Variants in NPM2 observed in about 807,000 individuals in gnomAD.
The protein encoded by NPM2 is nucleoplasmin-2.
NPM2 carries 25 observed loss-of-function variants against 32.0 expected under a neutral mutation model. That is an observed-to-expected ratio of 0.78 (90% CI 0.57 to 1.09). The LOEUF (loss-of-function observed/expected upper bound fraction) is 1.09. Among genes scored for constraint, NPM2 ranks in the 50% least tolerant of loss-of-function variants. NPM2 has a pLI of 0.00. For missense variants in NPM2, 282 were observed against 259.9 expected (o/e 1.08, Z -0.58); for synonymous variants, 111 against 94.2 (o/e 1.18, Z -1.04).
At chr8:22,031,349 C>T (rs1466396898) in intron 5 of NPM2, among the ~76,000 whole-genome samples, 1 of 152,192 alleles carries the variant, frequency 6.6e-6, no homozygotes, top group Non-Finnish European at 1.5e-5. Context: ...AAGGGTATAG[C>T]CCTTGAGGGT....
In NPM2 at chr8:22,033,214, G is replaced by A. The variant is rs773383353; in HGVS notation, c.355G>A (p.Glu119Lys). 5 of 1,613,906 alleles carry A rather than the reference G, an allele frequency of 3.1e-6. No homozygotes were observed. The highest frequency in any genetic ancestry group is 1.1e-5 in the South Asian group (1 of 91,060). ...AGGACCCGTGTTCCTCAGTGGCCAG[G>A]AACGTTATGGTAAGTCAGAGCCTGC... ...GSGPVFLSGQ[E>K]RYEASDLTWE... The change falls in exon 6 of 10, where the codon GAA becomes AAA. Residue 119 changes from glutamate (E) to lysine (K), a missense_variant. By Grantham distance (56) the Glu-to-Lys change is moderately conservative (BLOSUM62 1). Coordinates refer to ENST00000518119, the MANE Select transcript of NPM2 (RefSeq NM_001286680.2).
rs748152197 is a variant in NPM2 at position 22,025,263 on chromosome 8, C to T, written c.15C>T (p.Ser5=). MNLS[S]ASSTEEKAVT... is the part of the protein sequence containing the mutation. ...TGCCCGGAGCCATGAATCTCAGTAG[C>T]GCCAGTAGCACGGAGGAAAAGGCAG... is the stretch of plus-strand genomic sequence containing the variant. Residue 5 remains serine (S), a synonymous_variant, in exon 3 of 10, where the codon AGC becomes AGT. Transcript: ENST00000518119. 1.2e-6 allele frequency: 2 copies of T among 1,611,686 alleles called. No homozygotes were observed. The highest frequency in any genetic ancestry group is 1.7e-6 in the Non-Finnish European group (2 of 1,179,294).
At position 22,025,407 on chromosome 8, in the gene NPM2, C is replaced by T. The variant is rs60185525; in HGVS notation, c.59-29C>T. 3.7e-5 allele frequency: 59 copies of T among 1,608,562 alleles called. 1 individual carries two copies. In the East Asian group the frequency reaches 1.2e-3, roughly 32 times the overall value. On this transcript the variant is annotated intron_variant, in intron 3 of 9. Transcript: ENST00000518119. ...CCCTCCTTTGGGAACGAATGGAGGG[C>T]CCCACTTCCCTCCCTTTCTCCTCCG...
Position 22,025,708 on chromosome 8 carries a change from A to G in NPM2, c.206A>G (p.Asn69Ser). ...CGCGTGGAGATCCTGCCCCCAGCAAACCAGGAGGACAAGAAGATGCAGCCG... is the reference window on the plus strand; with the variant it reads ...CGCGTGGAGATCCTGCCCCCAGCAAGCCAGGAGGACAAGAAGATGCAGCCG... Reference protein sequence around the residue: ...MHRVEILPPANQEDKKMQPVT... With the variant: ...MHRVEILPPASQEDKKMQPVT... The change falls in exon 5 of 10, where the codon AAC (asparagine) becomes AGC (serine). Residue 69 changes from asparagine (N) to serine (S), a missense_variant. Physicochemically the swap from Asn to Ser is conservative, Grantham distance 46. Coordinates refer to ENST00000518119, the MANE Select transcript of NPM2 (RefSeq NM_001286680.2). 6.2e-7 allele frequency: 1 copy of G among 1,614,032 alleles called. No homozygotes were observed. The highest frequency in any genetic ancestry group is 1.7e-5 in the Admixed American group (1 of 60,014).
chr8:22,025,406 G>T (rs1222061464), intron 3 of NPM2, 30 bp from the exon 4 acceptor site: 2 of 1,610,192 alleles, frequency 1.2e-6, no homozygotes, highest in East Asian at 2.2e-5. Context: ...CGAATGGAGG[G>T]CCCCACTTCC....
intron 7 of NPM2, 92 bp downstream of exon 7, chr8:22,034,367 C>T: frequency 7.1e-7 from 1 of 1,416,886 alleles, no homozygotes; most frequent in Non-Finnish European, 9.7e-7. Context: ...GGCCAGCCTC[C>T]CAGAATGAGT....
In NPM2 at chr8:22,036,825, C is replaced by A; in HGVS notation, c.*143C>A. The A allele has an allele frequency of 1.3e-6, 1 of 782,048 alleles. No individual in the cohort carries two copies. 48.4% of individuals were successfully genotyped at this position (782,048 alleles called of 1,614,324 possible). A position where few individuals can be genotyped will look rare whatever the true frequency, so the allele number is the denominator to read the frequency against. ...GGGCAACATGAGAGCCCCTCACCCC[C>A]AACTCTCCACTTTCAGGAGGCCCCC... On this transcript the variant is annotated 3_prime_UTR_variant, in exon 10 of 10. Transcript: ENST00000518119.
chr8:22,027,575 T>G (rs1242923547), intron 5 of NPM2, among the ~76,000 whole-genome samples: 4 of 151,996 alleles, frequency 2.6e-5, no homozygotes, highest in African/African-American at 9.7e-5. Context: ...AGAAAACAGC[T>G]GTTTTTCCAG....
Position 22,033,227 on chromosome 8 carries a change from A to G in NPM2, c.364+4A>G. The G allele has an allele frequency of 6.2e-7, 1 of 1,612,938 alleles. No homozygotes were observed. Among genetic ancestry groups the G allele is most frequent in the Non-Finnish European group, 8.5e-7 (1 of 1,178,960 alleles). On this transcript the variant is annotated splice_donor_region_variant and intron_variant, in intron 6 of 9. Coordinates refer to ENST00000518119, the MANE Select transcript of NPM2 (RefSeq NM_001286680.2). ...CTCAGTGGCCAGGAACGTTATGGTA[A>G]GTCAGAGCCTGCGATCAGGAAGGTC... is the stretch of plus-strand genomic sequence containing the variant.
At chr8:22,029,853 T>C (rs1053379922) in intron 5 of NPM2, among the ~76,000 whole-genome samples, 3 of 152,234 alleles carry the variant, frequency 2.0e-5, no homozygotes, top group Admixed American at 1.3e-4. Context: ...TTTTTGGAGA[T>C]GTCTTTCCTC....
rs772869119 is a variant in NPM2, at chr8:22,025,695, C to T, written c.193C>T (p.Leu65=). The T allele has an allele frequency of 1.2e-6, 2 of 1,614,082 alleles. No homozygotes were observed. The highest frequency in any genetic ancestry group is 1.7e-6 in the Non-Finnish European group (2 of 1,179,986). Residue 65 remains leucine (L), a synonymous_variant, in exon 5 of 10, where the codon CTG becomes TTG. Transcript: ENST00000518119. The part of the protein sequence containing the change: ...AKEEMHRVEI[L]PPANQEDKKM... ...AGAGGAGATGCATCGCGTGGAGATC[C>T]TGCCCCCAGCAAACCAGGAGGACAA...
At chr8:22,032,165 G>A (rs118026284) in intron 5 of NPM2, among the ~76,000 whole-genome samples, 30 of 152,348 alleles carry the variant, frequency 2.0e-4, no homozygotes, top group South Asian at 4.1e-4. Flanking sequence ...TGCCTGACAC[G>A]TGGCAGAAGC....
At position 22,025,817 on chromosome 8, in the gene NPM2, C is replaced by T. The variant is rs758893655; in HGVS notation, c.270+45C>T. 4.3e-6 allele frequency: 7 copies of T among 1,612,210 alleles called. No homozygotes were observed. The Admixed American group carries it at 1.0e-4, about 23-fold the overall frequency. ...CTGGAAGACTGCTGTCAGCCTCACCCTCACCCTTGGGTGGGGATGGACACA... is the reference window on the plus strand; with the variant it reads ...CTGGAAGACTGCTGTCAGCCTCACCTTCACCCTTGGGTGGGGATGGACACA... On this transcript the variant is annotated intron_variant, in intron 5 of 9. Transcript: ENST00000518119.
chr8:22,029,709 A>AT (rs1800371216), intron 5 of NPM2, among the ~76,000 whole-genome samples: 3 of 152,114 alleles, frequency 2.0e-5, no homozygotes, highest in African/African-American at 7.2e-5. Context: ...AAATATCATG[A>AT]TTTTGCCCTC....
intron 9 of NPM2, 27 bp from the exon 10 acceptor site, chr8:22,036,611 C>A: frequency 6.4e-7 from 1 of 1,552,774 alleles, no homozygotes; most frequent in East Asian, 2.4e-5. Flanking sequence ...GGGAACGGGA[C>A]CCTGGAGCCC....
intron 5 of NPM2, among the ~76,000 whole-genome samples, chr8:22,029,567 T>C (rs189656912): frequency 2.0e-5 from 3 of 152,380 alleles, no homozygotes; most frequent in African/African-American, 7.2e-5. Flanking sequence ...GTAGGTTTAC[T>C]TTGTTTACCA....
intron 8 of NPM2, 49 bp downstream of exon 8, chr8:22,034,593 A>G (rs1019846940): frequency 6.9e-7 from 1 of 1,458,864 alleles, no homozygotes; most frequent in Non-Finnish European, 9.6e-7. Context: ...GCTGAGATAT[A>G]CAGTGTTAGA....
At chr8:22,033,035 G>A in intron 5 of NPM2, 95 bp from the exon 6 acceptor site, 1 of 882,148 alleles carries the variant, frequency 1.1e-6, no homozygotes, top group South Asian at 1.3e-5. Flanking sequence ...GTAGGGTTTG[G>A]GGAGGGAAAT....
chr8:22,036,564 C>T (rs1263924945), intron 9 of NPM2, 38 bp downstream of exon 9: 11 of 1,575,440 alleles, frequency 7.0e-6, no homozygotes, highest in Admixed American at 3.7e-5. Flanking sequence ...TTGGGACAGG[C>T]GAGTATTCTC....
Sources: allele counts gnomAD v4.1 joint callset (sites outside exome capture counted in the v4.1 genomes callset), GRCh38; gene constraint gnomAD v4.1.1; transcripts MANE v1.5; gene names NCBI Gene and HGNC (gene_info 2026-07-23, HGNC 2026-07-21).